Variants in COP1 observed in about 807,000 individuals in gnomAD.
The protein encoded by COP1 is COP1 E3 ubiquitin ligase, also known as E3 ubiquitin-protein ligase COP1.
In COP1, 24 loss-of-function variants were observed where a neutral mutation model predicts 101.3. That is an observed-to-expected ratio of 0.24 (90% CI 0.17 to 0.33). The LOEUF is 0.33. Ranked by LOEUF, COP1 falls within the 10% of genes least tolerant of loss-of-function variation. The probability of loss-of-function intolerance (pLI) is 1.00; values close to 1 mark genes in which losing one functional copy is unlikely to be tolerated. For synonymous variants in COP1, 347 were observed against 341.9 expected (o/e 1.01, Z -0.17); for missense variants, 663 against 906.2 (o/e 0.73, Z 3.45).
At chr1:176,171,934 A>C (rs564939800) in intron 3 of COP1, among the ~76,000 whole-genome samples, 1 of 152,358 alleles carries the variant, frequency 6.6e-6, no homozygotes, top group Middle Eastern at 3.4e-3. Context: ...ATCAATATTT[A>C]AGTAACAAAT....
chr1:175,956,027 T>C lies in COP1; in HGVS notation c.2134-8788A>G, dbSNP rs145227461. ...AATTTAAATGAAAAAGCAAAGACAT[T>C]ATAATAGTTAAAATAATTTTGAAAA... On this transcript the variant is annotated intron_variant, in intron 18 of 19. Transcript: ENST00000367669. 2.6e-3 allele frequency among the ~76,000 whole-genome samples: 399 copies of C among 152,214 alleles called. 3 individuals carry two copies. Among genetic ancestry groups the C allele is most frequent in the African/African-American group, 9.2e-3 (381 of 41,538 alleles).
chr1:176,106,267 G>A (rs1684286675), intron 9 of COP1, among the ~76,000 whole-genome samples: 1 of 152,104 alleles, frequency 6.6e-6, no homozygotes, highest in Non-Finnish European at 1.5e-5. Flanking sequence ...CTGACCTCAG[G>A]TGGTCCATCC....
intron 1 of COP1, among the ~76,000 whole-genome samples, chr1:176,196,602 G>A (rs1699721955): frequency 6.6e-6 from 1 of 152,126 alleles, no homozygotes; most frequent in Admixed American, 6.5e-5. Flanking sequence ...TTCCCACAAA[G>A]GGAAGGAGTG....
chr1:175,949,753 T>A lies in COP1; in HGVS notation c.2134-2514A>T, dbSNP rs145941107. Reference sequence around the variant, plus strand: ...AATAATGACAGGACAATGAAAAATTTAAAGCCGAAAGCTCCATCTCCTTCT... The same window carrying A: ...AATAATGACAGGACAATGAAAAATTAAAAGCCGAAAGCTCCATCTCCTTCT... On this transcript the variant is annotated intron_variant, in intron 18 of 19. Coordinates refer to ENST00000367669, the MANE Select transcript of COP1 (RefSeq NM_022457.7). Among the ~76,000 whole-genome samples the A allele has an allele frequency of 1.7e-3, 256 of 152,278 alleles. 1 individual carries two copies. The highest frequency in any genetic ancestry group is 5.9e-3 in the African/African-American group (245 of 41,548).
rs144484210 is a variant in COP1, at chr1:176,190,003, T to A, written c.408-5311A>T. ...GGAACACAAGAGTAAATAAGCATAATGAATAATGATTTCAGATGGAAAAAA... is the reference window on the plus strand; with the variant it reads ...GGAACACAAGAGTAAATAAGCATAAAGAATAATGATTTCAGATGGAAAAAA... On this transcript the variant is annotated intron_variant, in intron 1 of 19. Transcript: ENST00000367669. 2.6e-3 allele frequency among the ~76,000 whole-genome samples: 397 copies of A among 151,972 alleles called. 3 individuals are homozygous for A. Among genetic ancestry groups the A allele is most frequent in the African/African-American group, 9.1e-3 (379 of 41,492 alleles).
chr1:176,008,606 TCTA>T (rs777442199), intron 15 of COP1, among the ~76,000 whole-genome samples: 1 of 152,222 alleles, frequency 6.6e-6, no homozygotes, highest in African/African-American at 2.4e-5. Flanking sequence ...TAGGATAATT[TCTA>T]CTAAGAATTT....
At chr1:175,949,848 C>T (rs1649654355) in intron 18 of COP1, among the ~76,000 whole-genome samples, 2 of 152,158 alleles carry the variant, frequency 1.3e-5, no homozygotes, top group Non-Finnish European at 2.9e-5. Context: ...TGAGGATTCA[C>T]TTGGGGATAA....
At chr1:175,988,704 G>A (rs772518802) in intron 16 of COP1, 5 of 213,818 alleles carry the variant, frequency 2.3e-5, no homozygotes, top group Non-Finnish European at 2.8e-5. Flanking sequence ...GTGGTAGCAC[G>A]TGCCTGTAGT....
At chr1:176,154,345 T>C (rs1228438581) in intron 5 of COP1, among the ~76,000 whole-genome samples, 3 of 152,204 alleles carry the variant, frequency 2.0e-5, no homozygotes, top group Non-Finnish European at 4.4e-5. Context: ...ACATGTATGT[T>C]CACTGCAGCA....
intron 9 of COP1, among the ~76,000 whole-genome samples, chr1:176,089,299 T>TAACAACAACAACAACAACAACAAC (rs143549335): frequency 6.6e-6 from 1 of 150,478 alleles, no homozygotes; most frequent in Non-Finnish European, 1.5e-5. Flanking sequence ...TCTAAAACAA[T>TAACAACAACAACAACAACAACAAC]AACAACAACA....
At chr1:175,958,709 TTA>T (rs1650977775) in intron 18 of COP1, among the ~76,000 whole-genome samples, 2 of 151,974 alleles carry the variant, frequency 1.3e-5, no homozygotes, top group Non-Finnish European at 2.9e-5. Flanking sequence ...TGAAAAGACT[TTA>T]TGTTAATAAA....
intron 9 of COP1, among the ~76,000 whole-genome samples, chr1:176,089,366 T>C (rs1300120067): frequency 6.6e-6 from 1 of 151,990 alleles, no homozygotes; most frequent in Non-Finnish European, 1.5e-5. Flanking sequence ...GAGGCAATAA[T>C]ATACACATGC....
chr1:176,115,323 G>A (rs758397362), intron 9 of COP1, among the ~76,000 whole-genome samples: 1 of 152,076 alleles, frequency 6.6e-6, no homozygotes, highest in Non-Finnish European at 1.5e-5. Context: ...GGTGGCACAC[G>A]CTTGTAGTCC....
chr1:176,188,296 T>C (rs1025282134), intron 1 of COP1, among the ~76,000 whole-genome samples: 3 of 152,102 alleles, frequency 2.0e-5, no homozygotes, highest in African/African-American at 7.2e-5. Flanking sequence ...AAAGAAGGGC[T>C]GGCCAATTAC....
At chr1:176,192,872 GATTA>G (rs1447753620) in intron 1 of COP1, among the ~76,000 whole-genome samples, 1 of 152,086 alleles carries the variant, frequency 6.6e-6, no homozygotes, top group Non-Finnish European at 1.5e-5. Flanking sequence ...TGATTTTTAA[GATTA>G]ATTTTTTTAA....
At chr1:176,007,925 G>C (rs533638054) in intron 15 of COP1, among the ~76,000 whole-genome samples, 7 of 152,200 alleles carry the variant, frequency 4.6e-5, no homozygotes, top group African/African-American at 1.7e-4. Context: ...GGGTAATGGC[G>C]GGCGCCCCTC....
intron 1 of COP1, among the ~76,000 whole-genome samples, chr1:176,189,294 C>T (rs1396801535): frequency 2.0e-5 from 3 of 151,896 alleles, no homozygotes; most frequent in Non-Finnish European, 4.4e-5. Flanking sequence ...TTCTTTCAGT[C>T]CATTTTGAAA....
At chr1:176,168,349 C>T (rs1695467721) in intron 3 of COP1, among the ~76,000 whole-genome samples, 1 of 150,790 alleles carries the variant, frequency 6.6e-6, no homozygotes, top group Non-Finnish European at 1.5e-5. Context: ...GAGCCACCAC[C>T]CCTGACCTAC....
At chr1:176,157,431 A>C (rs1488315691) in intron 5 of COP1, among the ~76,000 whole-genome samples, 1 of 152,174 alleles carries the variant, frequency 6.6e-6, no homozygotes, top group Non-Finnish European at 1.5e-5. Flanking sequence ...TTCCTGCCTT[A>C]AACAACAAAA....
Sources: gnomAD v4.1 joint callset for allele counts (sites outside exome capture counted in the v4.1 genomes callset) on GRCh38, gnomAD v4.1.1 for gene constraint, MANE v1.5 for transcripts, NCBI Gene and HGNC (gene_info 2026-07-23, HGNC 2026-07-21) for gene names.